The following GPCPD1 variants were observed in gnomAD, a reference collection of about 807,000 sequenced individuals.
GPCPD1 encodes the protein glycerophosphocholine phosphodiesterase GPCPD1.
In GPCPD1, 29 loss-of-function variants were observed where a neutral mutation model predicts 89.2. The ratio of observed to expected loss-of-function variants is 0.33; its 90% CI spans 0.24 to 0.44. The LOEUF (loss-of-function observed/expected upper bound fraction) is 0.44. GPCPD1 is among the 20% of genes least tolerant of loss of function. The probability of loss-of-function intolerance (pLI) is 1.00; values close to 1 mark genes in which losing one functional copy is unlikely to be tolerated. For missense variants in GPCPD1, 594 were observed against 808.9 expected (o/e 0.73, Z 3.22); for synonymous variants, 258 against 266.3 (o/e 0.97, Z 0.30).
chr20:5,575,954 G>C lies in GPCPD1; in HGVS notation c.730C>G (p.Gln244Glu). The C allele has an allele frequency of 6.3e-7, 1 of 1,597,038 alleles. No homozygotes were observed. Among genetic ancestry groups the C allele is most frequent in the Non-Finnish European group, 8.6e-7 (1 of 1,168,712 alleles). Residue 244 changes from glutamine (Q) to glutamate (E), a missense_variant, in exon 9 of 20, where the codon CAG becomes GAG. Physicochemically the swap from Gln to Glu is conservative, Grantham distance 29. Coordinates refer to ENST00000379019, the MANE Select transcript of GPCPD1 (RefSeq NM_019593.5). ...ACATGTCCAGGAAGGGCATCACCCTGAACTACGTGCTCACTGAGATCTTCC... is the reference window on the plus strand; with the variant it reads ...ACATGTCCAGGAAGGGCATCACCCTCAACTACGTGCTCACTGAGATCTTCC... Reference protein sequence around the residue: ...FEEDLSEHVVQGDALPGHVGT... With the variant: ...FEEDLSEHVVEGDALPGHVGT...
chr20:5,581,006 T>C (rs908111523), intron 6 of GPCPD1, among the ~76,000 whole-genome samples: 8 of 152,076 alleles, frequency 5.3e-5, no homozygotes, highest in Admixed American at 3.9e-4. Flanking sequence ...CCCAAGTAGC[T>C]GGGATTATAG....
At chr20:5,552,505 T>C (rs4813763) in intron 19 of GPCPD1, among the ~76,000 whole-genome samples, 14,215 of 152,266 alleles carry the variant, frequency 0.093, 1,104 homozygotes, top group African/African-American at 0.21. Flanking sequence ...CTGAAATTTG[T>C]ATACTCTACA....
intron 6 of GPCPD1, among the ~76,000 whole-genome samples, chr20:5,580,763 A>G (rs1465789960): frequency 6.6e-6 from 1 of 152,058 alleles, no homozygotes; most frequent in Non-Finnish European, 1.5e-5. Flanking sequence ...ATAATCCCAA[A>G]ATAATGAATC....
rs140380094 is a variant in GPCPD1 at position 5,568,657 on chromosome 20, C to T, written c.1150-1097G>A. On this transcript the variant is annotated intron_variant, in intron 12 of 19. Coordinates refer to ENST00000379019, the MANE Select transcript of GPCPD1 (RefSeq NM_019593.5). ...CAGTGGCTCACATCTGTAATCCCAG[C>T]ACTTTGGGAGGCTGAGATGGGCGGA... 5.3e-5 allele frequency among the ~76,000 whole-genome samples: 8 copies of T among 152,226 alleles called. No homozygotes were observed. The South Asian group carries it at 1.5e-3, about 28-fold the overall frequency.
At chr20:5,589,564 A>T (rs1363637174) in intron 4 of GPCPD1, among the ~76,000 whole-genome samples, 1 of 152,158 alleles carries the variant, frequency 6.6e-6, no homozygotes, top group Non-Finnish European at 1.5e-5. Context: ...ATGAGCCATT[A>T]CACTCCAGCC....
At position 5,547,676 on chromosome 20, in the gene GPCPD1, G is replaced by A. The variant is rs375076223; in HGVS notation, c.2004C>T (p.Asn668=). 6.0e-5 allele frequency: 96 copies of A among 1,598,822 alleles called. No individual in the cohort carries two copies. The highest frequency in any genetic ancestry group is 4.4e-4 in the South Asian group (40 of 90,292). Residue 668 remains asparagine (N), a synonymous_variant, in exon 20 of 20, where the codon AAC becomes AAT. Coordinates refer to ENST00000379019, the MANE Select transcript of GPCPD1 (RefSeq NM_019593.5). ...GCAATAAAAACTAAGCATTCTCCACGTTATCAATGCCGTTGGCATCCACAT... is the reference window on the plus strand; with the variant it reads ...GCAATAAAAACTAAGCATTCTCCACATTATCAATGCCGTTGGCATCCACAT... ...DIHVDANGID[N]VENA
chr20:5,608,837 G>C (rs1315257274), intron 1 of GPCPD1, among the ~76,000 whole-genome samples: 1 of 152,182 alleles, frequency 6.6e-6, no homozygotes, highest in Non-Finnish European at 1.5e-5. Flanking sequence ...TTTTTGAAGA[G>C]AAACACTAAA....
intron 10 of GPCPD1, 145 bp from the exon 11 acceptor site, chr20:5,574,114 A>G (rs1186496156): frequency 1.6e-6 from 1 of 615,106 alleles, no homozygotes; most frequent in African/African-American, 1.9e-5. Context: ...AAATATGACT[A>G]TGGCTGTGAC....
chr20:5,558,280 T>C (rs767068170), intron 18 of GPCPD1, among the ~76,000 whole-genome samples, 175 bp from the exon 19 acceptor site: 2 of 152,166 alleles, frequency 1.3e-5, no homozygotes, highest in African/African-American at 2.4e-5. Flanking sequence ...TACATAAATA[T>C]ATTCACAATA....
At position 5,561,456 on chromosome 20, in the gene GPCPD1, AT is replaced by A; in HGVS notation, c.1395+8del. The A allele has an allele frequency of 6.6e-7, 1 of 1,508,086 alleles. No homozygotes were observed. Among genetic ancestry groups the A allele is most frequent in the Non-Finnish European group, 9.2e-7 (1 of 1,084,800 alleles). The allele number at this position is 1,508,086 out of a possible 1,614,324, so 93.4% of individuals were successfully genotyped here. A position where few individuals can be genotyped will look rare whatever the true frequency, so the allele number is the denominator to read the frequency against. On this transcript the variant is annotated splice_region_variant and intron_variant, in intron 16 of 19. Transcript: ENST00000379019. ...GAGTATAGAATGTGCTGCATAGAGA[AT>A]TACTTACCCTTTGCTGGCAGATCCA... is the stretch of plus-strand genomic sequence containing the variant.
chr20:5,581,847 T>G (rs1053579942), intron 6 of GPCPD1, among the ~76,000 whole-genome samples: 4 of 120,834 alleles, frequency 3.3e-5, no homozygotes, highest in South Asian at 2.5e-4. Flanking sequence ...TTTTTTTTTT[T>G]GCAGAAAAGA....
chr20:5,569,834 C>A (rs1317148937), intron 12 of GPCPD1, among the ~76,000 whole-genome samples: 1 of 152,136 alleles, frequency 6.6e-6, no homozygotes, highest in Non-Finnish European at 1.5e-5. Context: ...AAAACAAACA[C>A]TATGATATCT....
At chr20:5,578,681 A>T in intron 7 of GPCPD1, 70 bp from the exon 8 acceptor site, 1 of 936,394 alleles carries the variant, frequency 1.1e-6, no homozygotes, top group East Asian at 2.5e-5. Flanking sequence ...ATGTTGCCTA[A>T]ATTCTACATT....
chr20:5,582,052 A>G (rs55894326), intron 6 of GPCPD1, among the ~76,000 whole-genome samples: 50 of 148,028 alleles, frequency 3.4e-4, no homozygotes, highest in African/African-American at 9.2e-4. Context: ...CGGGCGTGGT[A>G]GCGGGCGCCT....
intron 1 of GPCPD1, among the ~76,000 whole-genome samples, chr20:5,605,947 C>T (rs927318246): frequency 6.6e-6 from 1 of 151,954 alleles, no homozygotes; most frequent in African/African-American, 2.4e-5. Flanking sequence ...ACATCCCTGG[C>T]TTGGAATCAC....
At chr20:5,555,786 G>A (rs141237131) in intron 19 of GPCPD1, among the ~76,000 whole-genome samples, 1 of 152,292 alleles carries the variant, frequency 6.6e-6, no homozygotes, top group East Asian at 1.9e-4. Context: ...CCCAGGAGAT[G>A]GAGGTTGCAG....
chr20:5,577,062 T>C (rs1298663033), intron 8 of GPCPD1, among the ~76,000 whole-genome samples: 1 of 114,466 alleles, frequency 8.7e-6, no homozygotes, highest in African/African-American at 3.6e-5. Context: ...TGTTTTTTTT[T>C]TTGTTTTTTT....
Position 5,547,547 on chromosome 20 carries a change from T to C in GPCPD1, c.*114A>G. On this transcript the variant is annotated 3_prime_UTR_variant, in exon 20 of 20. Transcript: ENST00000379019. ...AGTGAAAGAGTTAAATACTTCATTATTGCTTCATTGAACTGAGAAGCCCAA... is the reference window on the plus strand; with the variant it reads ...AGTGAAAGAGTTAAATACTTCATTACTGCTTCATTGAACTGAGAAGCCCAA... 1.8e-6 allele frequency: 1 copy of C among 556,708 alleles called. No individual in the cohort carries two copies. Among genetic ancestry groups the C allele is most frequent in the Non-Finnish European group, 3.3e-6 (1 of 305,346 alleles). The allele number at this position is 556,708 out of a possible 1,614,324, so 34.5% of individuals were successfully genotyped here.
intron 19 of GPCPD1, among the ~76,000 whole-genome samples, chr20:5,552,081 T>C (rs1329926063): frequency 1.3e-5 from 2 of 152,054 alleles, no homozygotes; most frequent in African/African-American, 4.8e-5. Flanking sequence ...ATGGAAGAAA[T>C]AGGTACAAGA....
Sources: allele counts gnomAD v4.1 joint callset (sites outside exome capture counted in the v4.1 genomes callset), GRCh38; gene constraint gnomAD v4.1.1; transcripts MANE v1.5; gene names NCBI Gene and HGNC (gene_info 2026-07-23, HGNC 2026-07-21).